PCDH7: variants seen among roughly 807,000 people sequenced by gnomAD.
PCDH7 encodes protocadherin-7.
In PCDH7, 17 loss-of-function variants were observed where a neutral mutation model predicts 58.9. The ratio of observed to expected loss-of-function variants is 0.29; its 90% CI spans 0.20 to 0.43. The LOEUF is 0.43. Ranked by LOEUF, PCDH7 falls within the 20% of genes least tolerant of loss-of-function variation. The pLI is 1.00. For missense variants in PCDH7, 1,274 were observed against 1,441.0 expected (o/e 0.88, Z 1.88); for synonymous variants, 664 against 616.4 (o/e 1.08, Z -1.14).
chr4:30,890,387 A>T (rs1412965539), intron 1 of PCDH7, among the ~76,000 whole-genome samples: 1 of 150,708 alleles, frequency 6.6e-6, no homozygotes, highest in Non-Finnish European at 1.5e-5. Flanking sequence ...TTGCATGCTT[A>T]ACATAAATAC....
chr4:30,801,328 G>A (rs1364566414), intron 1 of PCDH7, among the ~76,000 whole-genome samples: 1 of 152,260 alleles, frequency 6.6e-6, no homozygotes, highest in Non-Finnish European at 1.5e-5. Context: ...CTCCATGCAA[G>A]TAAATGAAAT....
At chr4:30,947,753 G>A (rs1042070625) in intron 2 of PCDH7, among the ~76,000 whole-genome samples, 2 of 152,026 alleles carry the variant, frequency 1.3e-5, no homozygotes, top group African/African-American at 4.8e-5. Flanking sequence ...ATATAATAGT[G>A]CTATCTGTAG....
At chr4:30,989,820 G>T (rs1751306693) in intron 3 of PCDH7, among the ~76,000 whole-genome samples, 1 of 152,150 alleles carries the variant, frequency 6.6e-6, no homozygotes. Context: ...AAATTTCAGT[G>T]AAAAGAGAGA....
chr4:30,871,037 G>C lies in PCDH7; in HGVS notation c.71-49116G>C, dbSNP rs191718979. Among the ~76,000 whole-genome samples, 87 of 152,152 alleles carry C rather than the reference G, an allele frequency of 5.7e-4. 1 individual carries two copies. Among genetic ancestry groups the C allele is most frequent in the Admixed American group, 2.1e-3 (32 of 15,258 alleles). On this transcript the variant is annotated intron_variant, in intron 1 of 3. Transcript: ENST00000509759. ...TGCGCTGATGGCAAATGTTGTTTGA[G>C]TTTGGATTAAGGTGCTTGTGAACTT... is the stretch of plus-strand genomic sequence containing the variant.
At chr4:30,895,763 T>G (rs1045686879) in intron 1 of PCDH7, among the ~76,000 whole-genome samples, 3 of 152,170 alleles carry the variant, frequency 2.0e-5, no homozygotes, top group Non-Finnish European at 4.4e-5. Context: ...GCCCAGTGCT[T>G]GTGGCAAATT....
In PCDH7 at chr4:30,907,764, C is replaced by G. The variant is rs912480082; in HGVS notation, c.71-12389C>G. ...CCCATTATTGGGCATATACCCAAAG[C>G]ATTATAAATCATGCTACTATAAAGA... is the stretch of plus-strand genomic sequence containing the variant. On this transcript the variant is annotated intron_variant, in intron 1 of 3. Coordinates refer to the PCDH7 transcript ENST00000509759. Among the ~76,000 whole-genome samples, 18 of 152,062 alleles carry G rather than the reference C, an allele frequency of 1.2e-4. 1 individual carries two copies. Among genetic ancestry groups the G allele is most frequent in the African/African-American group, 3.6e-4 (15 of 41,400 alleles).
chr4:30,933,013 G>GTTTC (rs755430074), intron 2 of PCDH7, among the ~76,000 whole-genome samples: 68 of 138,550 alleles, frequency 4.9e-4, no homozygotes, highest in Non-Finnish European at 5.5e-4. Context: ...CAGAGGAGGA[G>GTTTC]TTTCTTTCTT....
At chr4:30,829,350 A>G (rs16884144) in intron 1 of PCDH7, among the ~76,000 whole-genome samples, 5,439 of 152,168 alleles carry the variant, frequency 0.036, 237 homozygotes, top group African/African-American at 0.1. Context: ...TGTTTGTTTA[A>G]TTTCCTAGTT....
intron 1 of PCDH7, among the ~76,000 whole-genome samples, chr4:30,728,192 T>C (rs2109233945): frequency 6.6e-6 from 1 of 151,552 alleles, no homozygotes; most frequent in South Asian, 2.1e-4. Flanking sequence ...TGGAAGCAAA[T>C]GGTTGACTTG....
At chr4:30,750,566 G>A (rs965041009) in intron 1 of PCDH7, among the ~76,000 whole-genome samples, 2 of 152,074 alleles carry the variant, frequency 1.3e-5, no homozygotes, top group African/African-American at 4.8e-5. Flanking sequence ...AGTTAACCCT[G>A]GGTGCAAATT....
chr4:31,087,067 G>C (rs2109278533), intron 3 of PCDH7, among the ~76,000 whole-genome samples: 1 of 152,252 alleles, frequency 6.6e-6, no homozygotes, highest in South Asian at 2.1e-4. Flanking sequence ...GCAAATAACT[G>C]TTCTCTGCAT....
At chr4:31,061,029 T>C (rs142542488) in intron 3 of PCDH7, among the ~76,000 whole-genome samples, 274 of 151,832 alleles carry the variant, frequency 1.8e-3, no homozygotes, top group African/African-American at 6.1e-3. Flanking sequence ...TCTCTTGGAA[T>C]CCAGGTTTTA....
chr4:30,970,775 A>G (rs1174132706), intron 3 of PCDH7, among the ~76,000 whole-genome samples: 2 of 152,180 alleles, frequency 1.3e-5, no homozygotes, highest in African/African-American at 4.8e-5. Flanking sequence ...GATTTTGTAT[A>G]TTTTCTGTAG....
At chr4:30,794,423 G>A (rs1724524409) in intron 1 of PCDH7, among the ~76,000 whole-genome samples, 2 of 152,150 alleles carry the variant, frequency 1.3e-5, no homozygotes, top group Admixed American at 1.3e-4. Context: ...CAGTAGGTCT[G>A]CAGAGGACTC....
rs1245111106 is a variant in PCDH7, at chr4:31,097,510, GAGAAAGAAAGAAGAAAGAA to G, written c.*8-44950_*8-44932del. 1.1e-3 allele frequency among the ~76,000 whole-genome samples: 110 copies of G among 99,248 alleles called. 6 individuals carry two copies. Among genetic ancestry groups the G allele is most frequent in the African/African-American group, 4.6e-3 (105 of 22,764 alleles). The allele number at this position is 99,248 out of a possible 152,430, so 65.1% of individuals were successfully genotyped here. On this transcript the variant is annotated intron_variant, in intron 3 of 3. Transcript: ENST00000509759. ...AAAGAAAAAAAGAAAGAAAGAAAGAGAGAAAGAAAGAAGAAAGAAAGAAAGAAAGAAAGATGCACTTACT... is the reference window on the plus strand; with the variant it reads ...AAAGAAAAAAAGAAAGAAAGAAAGAGAGAAAGAAAGAAAGATGCACTTACT...
intron 1 of PCDH7, among the ~76,000 whole-genome samples, chr4:30,821,233 T>A (rs951107141): frequency 6.6e-6 from 1 of 152,220 alleles, no homozygotes; most frequent in Non-Finnish European, 1.5e-5. Flanking sequence ...AAGTCTTTAC[T>A]ATTCTACCTC....
At chr4:31,081,325 C>A (rs1233063273) in intron 3 of PCDH7, among the ~76,000 whole-genome samples, 1 of 152,124 alleles carries the variant, frequency 6.6e-6, no homozygotes, top group African/African-American at 2.4e-5. Flanking sequence ...AACTGTTAAG[C>A]ATTTATTTCT....
chr4:31,047,490 C>G lies in PCDH7; in HGVS notation c.*8-94983C>G, dbSNP rs550325469. Among the ~76,000 whole-genome samples the G allele has an allele frequency of 3.3e-5, 5 of 152,134 alleles. 1 individual carries two copies. In the South Asian group the frequency reaches 1.0e-3, roughly 32 times the overall value. On this transcript the variant is annotated intron_variant, in intron 3 of 3. Coordinates refer to the PCDH7 transcript ENST00000509759. Reference sequence around the variant, plus strand: ...GCCATCCCTGCCTTTCCCTGATTATCTAGCTTCTATTCACTCCATAGGAGT... The same window carrying G: ...GCCATCCCTGCCTTTCCCTGATTATGTAGCTTCTATTCACTCCATAGGAGT...
At chr4:31,050,135 A>G (rs1244509702) in intron 3 of PCDH7, among the ~76,000 whole-genome samples, 1 of 152,154 alleles carries the variant, frequency 6.6e-6, no homozygotes, top group African/African-American at 2.4e-5. Flanking sequence ...TGTTCAGTCT[A>G]TACTTTGGCT....
Sources: allele counts gnomAD v4.1 joint callset (sites outside exome capture counted in the v4.1 genomes callset), GRCh38; gene constraint gnomAD v4.1.1; transcripts MANE v1.5; gene names NCBI Gene and HGNC (gene_info 2026-07-23, HGNC 2026-07-21).